KRT3: variants seen among roughly 807,000 people sequenced by gnomAD.
The protein encoded by KRT3 is keratin, type II cytoskeletal 3.
A neutral mutation model predicts 45.8 loss-of-function variants in KRT3; 34 were observed. The ratio of observed to expected loss-of-function variants is 0.74; its 90% CI spans 0.57 to 0.99. The LOEUF is 0.99. KRT3 is among the 50% of genes least tolerant of loss of function. KRT3 has a pLI of 0.00. For missense variants in KRT3, 828 were observed against 820.6 expected (o/e 1.01, Z -0.11); for synonymous variants, 367 against 329.0 (o/e 1.12, Z -1.25).
At position 52,789,746 on chromosome 12, in the gene KRT3, A is replaced by G. The variant is rs548232617; in HGVS notation, c.*296T>C. 1.7e-6 allele frequency: 1 copy of G among 581,488 alleles called. No homozygotes were observed. Among genetic ancestry groups the G allele is most frequent in the South Asian group, 2.1e-5 (1 of 48,500 alleles). The allele number at this position is 581,488 out of a possible 1,614,324, so 36.0% of individuals were successfully genotyped here. On this transcript the variant is annotated 3_prime_UTR_variant, in exon 9 of 9. Transcript: ENST00000417996. ...GGGCGGAGGGGGCTGTGTGCTATAT[A>G]CATCAGAGCTGTAGTGAGCATCCCA... is the stretch of plus-strand genomic sequence containing the variant.
rs1939585270 is a variant in KRT3, at chr12:52,794,098, C to CACT, written c.866+12_866+13insAGT. The CACT allele has an allele frequency of 6.2e-7, 1 of 1,606,144 alleles. No homozygotes were observed. Among genetic ancestry groups the CACT allele is most frequent in the Non-Finnish European group, 8.5e-7 (1 of 1,173,122 alleles). ...GGGCCATGGCATCTTCCCACTCCTGCCCTGTCACTCACTTCTTCTTGAAGT... is the reference window on the plus strand; with the variant it reads ...GGGCCATGGCATCTTCCCACTCCTGCACTCCTGTCACTCACTTCTTCTTGAAGT... On this transcript the variant is annotated intron_variant, in intron 2 of 8. Coordinates refer to ENST00000417996, the MANE Select transcript of KRT3 (RefSeq NM_057088.3).
At chr12:52,794,409 G>T in intron 1 of KRT3, 78 bp from the exon 2 acceptor site, 1 of 1,039,918 alleles carries the variant, frequency 9.6e-7, no homozygotes, top group Non-Finnish European at 1.5e-6. Context: ...GGTAGGACTA[G>T]GTGTCTATCT....
chr12:52,792,186 C>T, intron 5 of KRT3, 53 bp downstream of exon 5: 7 of 1,522,956 alleles, frequency 4.6e-6, no homozygotes, highest in Non-Finnish European at 6.3e-6. Flanking sequence ...TCCAATAGGC[C>T]ATGGCCTCTC....
chr12:52,790,722 C>T (rs985799787), intron 8 of KRT3, 116 bp downstream of exon 8: 6 of 965,168 alleles, frequency 6.2e-6, no homozygotes, highest in South Asian at 1.4e-5. Flanking sequence ...CCTCTCCTCT[C>T]CCAGAAAACC....
chr12:52,793,053 C>T, intron 3 of KRT3, 110 bp downstream of exon 3: 4 of 836,618 alleles, frequency 4.8e-6, no homozygotes, highest in Admixed American at 2.3e-5. Flanking sequence ...CTGTTTATTG[C>T]TCCAAAGGCC....
rs1283843725 is a variant in KRT3 at position 52,792,752 on chromosome 12, A to G, written c.982T>C (p.Leu328=). The G allele has an allele frequency of 6.2e-7, 1 of 1,613,568 alleles. No individual in the cohort carries two copies. Among genetic ancestry groups the G allele is most frequent in the Non-Finnish European group, 8.5e-7 (1 of 1,179,642 alleles). The change falls in exon 4 of 9, where the codon TTG becomes CTG. Residue 328 remains leucine (L), a synonymous_variant. Coordinates refer to ENST00000417996, the MANE Select transcript of KRT3 (RefSeq NM_057088.3). Reference sequence around the variant, plus strand: ...CTTAAGAAGTCGATCTCATCTATCAAGGCATCCACTTTGGCCTGAAGCTCC... The same window carrying G: ...CTTAAGAAGTCGATCTCATCTATCAGGGCATCCACTTTGGCCTGAAGCTCC... ...KVELQAKVDA[L]IDEIDFLRTL...
At chr12:52,792,844 T>C (rs757664364) in intron 3 of KRT3, 38 bp from the exon 4 acceptor site, 3 of 1,357,990 alleles carry the variant, frequency 2.2e-6, no homozygotes, top group Non-Finnish European at 3.2e-6. Flanking sequence ...ATTCTCCCAA[T>C]GAACAAACAG....
intron 8 of KRT3, 73 bp downstream of exon 8, chr12:52,790,765 G>C: frequency 8.0e-7 from 1 of 1,254,222 alleles, no homozygotes; most frequent in Non-Finnish European, 1.1e-6. Flanking sequence ...GTTTAAATTA[G>C]TTGCTACTAC....
rs771807026 is a variant in KRT3 at position 52,793,155 on chromosome 12, G to A, written c.927+8C>T. The A allele has an allele frequency of 6.2e-6, 10 of 1,609,098 alleles. No individual in the cohort carries two copies. The South Asian group carries it at 1.0e-4, about 16-fold the overall frequency. ...GCAAGCCTCAGAAACCTCACACACA[G>A]CCCTTACCTTCTTCAGAGTCACAAA... On this transcript the variant is annotated splice_region_variant and intron_variant, in intron 3 of 8. Coordinates refer to ENST00000417996, the MANE Select transcript of KRT3 (RefSeq NM_057088.3).
chr12:52,791,571 C>T (rs1196884298), intron 6 of KRT3, 120 bp downstream of exon 6: 3 of 1,468,008 alleles, frequency 2.0e-6, no homozygotes, highest in African/African-American at 2.8e-5. Flanking sequence ...GGAGATACTG[C>T]CCTGTGGGTC....
rs1939618302 is a variant in KRT3, at chr12:52,795,575, G to A, written c.468C>T (p.Gly156=). ...CCCCAGGGCCAAAGCCACCAGGACT[G>A]CCCAAGCTGCCAGGCCCACCAAAGC... ...SGGFGGPGSL[G]SPGGFGPGGF... Residue 156 remains glycine (G), a synonymous_variant, in exon 1 of 9, where the codon GGC becomes GGT. Coordinates refer to ENST00000417996, the MANE Select transcript of KRT3 (RefSeq NM_057088.3). The A allele has an allele frequency of 6.2e-7, 1 of 1,608,014 alleles. No individual in the cohort carries two copies. The highest frequency in any genetic ancestry group is 8.5e-7 in the Non-Finnish European group (1 of 1,176,910).
rs201818737 is a variant in KRT3, at chr12:52,794,202, G to A, written c.775C>T (p.Arg259Trp). The part of the protein sequence containing the change: ...PLFENHINYL[R>W]SYLDNILGER... ...CCGAGGATGTTGTCCAGGTAGCTCC[G>A]CAGGTAGTTGATGTGATTCTCAAAA... Residue 259 changes from arginine (R) to tryptophan (W), a missense_variant, in exon 2 of 9, where the codon CGG becomes TGG. By Grantham distance (101) the Arg-to-Trp change is moderately radical. Coordinates refer to ENST00000417996, the MANE Select transcript of KRT3 (RefSeq NM_057088.3). 8.2e-5 allele frequency: 133 copies of A among 1,614,136 alleles called. No homozygotes were observed. In the Middle Eastern group the frequency reaches 2.3e-3, roughly 28 times the overall value.
intron 2 of KRT3, among the ~76,000 whole-genome samples, chr12:52,793,465 G>A (rs938011022): frequency 2.0e-5 from 3 of 152,178 alleles, no homozygotes; most frequent in African/African-American, 7.2e-5. Context: ...CTCAGTCCCA[G>A]GCAAACCTCT....
At position 52,791,797 on chromosome 12, in the gene KRT3, G is replaced by A. The variant is rs200151587; in HGVS notation, c.1208C>T (p.Thr403Met). Residue 403 changes from threonine to methionine, a missense_variant, in exon 6 of 9, where the codon ACG (threonine) becomes ATG (methionine). By Grantham distance (81) the Thr-to-Met change is moderately conservative (BLOSUM62 -1). Coordinates refer to ENST00000417996, the MANE Select transcript of KRT3 (RefSeq NM_057088.3). Reference protein sequence around the residue: ...YQTKLGELQTTAGRHGDDLRN... With the variant: ...YQTKLGELQTMAGRHGDDLRN... ...TAGGTCATCCCCATGCCTGCCAGCC[G>A]TGGTCTGCAGCTCCCCCAACTGCAG... The A allele has an allele frequency of 8.4e-5, 136 of 1,613,942 alleles. No individual in the cohort carries two copies. The highest frequency in any genetic ancestry group is 1.8e-4 in the Admixed American group (11 of 60,010).
intron 2 of KRT3, 61 bp downstream of exon 2, chr12:52,794,050 G>C (rs1939584430): frequency 1.5e-6 from 2 of 1,327,878 alleles, no homozygotes; most frequent in Admixed American, 3.5e-5. Flanking sequence ...CATGTAGAAG[G>C]GGCCAAGACT....
In KRT3 at chr12:52,791,200, G is replaced by T; in HGVS notation, c.1535+6C>A. 6.2e-7 allele frequency: 1 copy of T among 1,614,150 alleles called. No homozygotes were observed. Among genetic ancestry groups the T allele is most frequent in the Non-Finnish European group, 8.5e-7 (1 of 1,180,030 alleles). ...GGGGTGTGGGAAGACGGGACTGGAG[G>T]CTCACCTGTACTCCTCGCCCTCCAG... On this transcript the variant is annotated splice_donor_region_variant and intron_variant, in intron 7 of 8. Transcript: ENST00000417996.
intron 1 of KRT3, 124 bp downstream of exon 1, chr12:52,795,274 A>C: frequency 4.2e-6 from 5 of 1,177,478 alleles, no homozygotes; most frequent in Non-Finnish European, 4.9e-6. Context: ...CCCAGACCCT[A>C]GAGTTCCACC....
intron 3 of KRT3, 54 bp downstream of exon 3, chr12:52,793,109 C>A (rs952854524): frequency 3.4e-6 from 5 of 1,471,496 alleles, no homozygotes; most frequent in South Asian, 1.2e-5. Flanking sequence ...ATTCCCCCAA[C>A]CCAGCCAGAA....
At position 52,792,749 on chromosome 12, in the gene KRT3, TCAAGGCATC is replaced by T. The variant is rs1235090785; in HGVS notation, c.976_984del (p.Asp326_Leu328del). 6.2e-7 allele frequency: 1 copy of T among 1,613,756 alleles called. No homozygotes were observed. The highest frequency in any genetic ancestry group is 1.7e-5 in the Admixed American group (1 of 60,028). On this transcript the variant is annotated inframe_deletion, in exon 4 of 9. Coordinates refer to ENST00000417996, the MANE Select transcript of KRT3 (RefSeq NM_057088.3). ...GTCCTTAAGAAGTCGATCTCATCTATCAAGGCATCCACTTTGGCCTGAAGCTCCACCTTG... is the reference window on the plus strand; with the variant it reads ...GTCCTTAAGAAGTCGATCTCATCTATCACTTTGGCCTGAAGCTCCACCTTG...
Sources: allele counts gnomAD v4.1 joint callset (sites outside exome capture counted in the v4.1 genomes callset), GRCh38; gene constraint gnomAD v4.1.1; transcripts MANE v1.5; gene names NCBI Gene and HGNC (gene_info 2026-07-23, HGNC 2026-07-21).